KCNIP4: variants seen among roughly 807,000 people sequenced by gnomAD.
KCNIP4 encodes Kv channel-interacting protein 4.
In KCNIP4, 12 loss-of-function variants were observed where a neutral mutation model predicts 34.0. The ratio of observed to expected loss-of-function variants is 0.35; its 90% CI spans 0.23 to 0.57. The LOEUF (loss-of-function observed/expected upper bound fraction) is 0.57, where lower values mean the gene tolerates loss of function less well. Among genes scored for constraint, KCNIP4 ranks in the 20% least tolerant of loss-of-function variants. The pLI, the probability that KCNIP4 is intolerant of heterozygous loss-of-function variation, is 0.83. For synonymous variants in KCNIP4, 124 were observed against 102.2 expected, an observed-to-expected ratio of 1.21 and a Z score of -1.29; for missense variants, 238 against 311.7, an observed-to-expected ratio of 0.76 and a Z score of 1.78.
At chr4:21,707,996 A>G (rs1189504111) in intron 1 of KCNIP4, among the ~76,000 whole-genome samples, 1 of 151,920 alleles carries the variant, frequency 6.6e-6, no homozygotes, top group African/African-American at 2.4e-5. Context: ...ATACATATAC[A>G]AAATCAACTT....
intron 1 of KCNIP4, among the ~76,000 whole-genome samples, chr4:21,137,395 G>T (rs1388077692): frequency 6.6e-6 from 1 of 152,080 alleles, no homozygotes; most frequent in Non-Finnish European, 1.5e-5. Flanking sequence ...GGAAGGCAGG[G>T]TAAATTCTTG....
chr4:21,695,949 A>G (rs1712259917), intron 1 of KCNIP4, among the ~76,000 whole-genome samples: 1 of 151,970 alleles, frequency 6.6e-6, no homozygotes, highest in Admixed American at 6.6e-5. Flanking sequence ...TCAAAGTCAT[A>G]GTGATGGGAC....
At chr4:21,414,913 G>T (rs1354128274) in intron 1 of KCNIP4, among the ~76,000 whole-genome samples, 1 of 151,974 alleles carries the variant, frequency 6.6e-6, no homozygotes, top group Non-Finnish European at 1.5e-5. Context: ...GGTAAATGGG[G>T]TATTCACCTC....
At chr4:20,876,901 C>T (rs1724107589) in intron 2 of KCNIP4, among the ~76,000 whole-genome samples, 1 of 152,170 alleles carries the variant, frequency 6.6e-6, no homozygotes, top group African/African-American at 2.4e-5. Flanking sequence ...AGGAGTGTGA[C>T]TCTAAGTCTG....
chr4:20,972,823 G>T (rs1577464206), intron 1 of KCNIP4, among the ~76,000 whole-genome samples: 1 of 152,234 alleles, frequency 6.6e-6, no homozygotes, highest in East Asian at 1.9e-4. Flanking sequence ...ATTTTGAGGG[G>T]TTCAATAATT....
At chr4:21,773,745 GTTTT>G (rs55701942) in intron 1 of KCNIP4, among the ~76,000 whole-genome samples, 2 of 115,450 alleles carry the variant, frequency 1.7e-5, no homozygotes, top group East Asian at 2.2e-4. Context: ...TTTTTTTGTT[GTTTT>G]TTTTTTTTTG....
intron 1 of KCNIP4, among the ~76,000 whole-genome samples, chr4:21,933,843 C>A (rs1349249444): frequency 6.6e-6 from 1 of 152,086 alleles, no homozygotes; most frequent in Non-Finnish European, 1.5e-5. Flanking sequence ...TTATCAGTAC[C>A]TTTAAAGGCA....
At chr4:21,822,614 T>C (rs778506288) in intron 1 of KCNIP4, among the ~76,000 whole-genome samples, 3 of 152,178 alleles carry the variant, frequency 2.0e-5, no homozygotes, top group Non-Finnish European at 4.4e-5. Flanking sequence ...GCGGTAGAGA[T>C]TATTTGCCCA....
chr4:21,684,762 G>T (rs1217877320), intron 1 of KCNIP4, among the ~76,000 whole-genome samples: 1 of 152,082 alleles, frequency 6.6e-6, no homozygotes, highest in Admixed American at 6.6e-5. Flanking sequence ...TTGGTGTGCT[G>T]CACCCATTAA....
At chr4:21,211,363 C>G (rs1757207756) in intron 1 of KCNIP4, among the ~76,000 whole-genome samples, 1 of 152,128 alleles carries the variant, frequency 6.6e-6, no homozygotes, top group African/African-American at 2.4e-5. Context: ...CTGGGATGCA[C>G]AGCAAGAGGT....
intron 1 of KCNIP4, among the ~76,000 whole-genome samples, chr4:21,539,190 T>G (rs1331194600): frequency 1.3e-5 from 2 of 152,184 alleles, no homozygotes; most frequent in African/African-American, 2.4e-5. Flanking sequence ...TCTCAGGCAA[T>G]TCTTTATAAC....
At chr4:21,093,808 C>A (rs1747212065) in intron 1 of KCNIP4, among the ~76,000 whole-genome samples, 1 of 152,084 alleles carries the variant, frequency 6.6e-6, no homozygotes, top group Non-Finnish European at 1.5e-5. Flanking sequence ...GCTGGCCAGG[C>A]ACGTTGGCTG....
At chr4:21,446,059 C>G (rs569368772) in intron 1 of KCNIP4, among the ~76,000 whole-genome samples, 2 of 152,272 alleles carry the variant, frequency 1.3e-5, no homozygotes, top group African/African-American at 4.8e-5. Context: ...AAATGCAAAT[C>G]AAAACCACAA....
chr4:20,941,988 T>C (rs538042510), intron 1 of KCNIP4, among the ~76,000 whole-genome samples: 2 of 152,280 alleles, frequency 1.3e-5, no homozygotes, highest in East Asian at 3.9e-4. Context: ...GAAATAACAG[T>C]GAACAAAACA....
chr4:21,830,000 T>G (rs1722884543), intron 1 of KCNIP4, among the ~76,000 whole-genome samples: 1 of 152,116 alleles, frequency 6.6e-6, no homozygotes, highest in Non-Finnish European at 1.5e-5. Flanking sequence ...TATCTATCAA[T>G]AATTATTTTG....
At chr4:20,977,352 C>G (rs551780389) in intron 1 of KCNIP4, among the ~76,000 whole-genome samples, 2 of 152,252 alleles carry the variant, frequency 1.3e-5, no homozygotes, top group South Asian at 4.1e-4. Context: ...CCAAAATGAG[C>G]TCAAACCCTG....
At chr4:21,297,068 A>T (rs1445777435) in intron 1 of KCNIP4, among the ~76,000 whole-genome samples, 2 of 150,696 alleles carry the variant, frequency 1.3e-5, no homozygotes, top group Non-Finnish European at 3.0e-5. Flanking sequence ...AAATATATGA[A>T]TTTCTGGTAA....
chr4:20,864,441 C>T (rs1024795763), intron 2 of KCNIP4, among the ~76,000 whole-genome samples: 5 of 151,378 alleles, frequency 3.3e-5, no homozygotes, highest in South Asian at 2.1e-4. Context: ...TCCCCATCAG[C>T]GTACTATAAA....
At chr4:20,828,126 A>T (rs1717983164) in intron 3 of KCNIP4, among the ~76,000 whole-genome samples, 1 of 152,150 alleles carries the variant, frequency 6.6e-6, no homozygotes, top group Non-Finnish European at 1.5e-5. Flanking sequence ...CCACAAATCT[A>T]AAACTTTAAA....
Sources: allele counts gnomAD v4.1 joint callset (sites outside exome capture counted in the v4.1 genomes callset), GRCh38; gene constraint gnomAD v4.1.1; transcripts MANE v1.5; gene names NCBI Gene and HGNC (gene_info 2026-07-23, HGNC 2026-07-21).